GPHN: variants seen among roughly 807,000 people sequenced by gnomAD.
GPHN encodes gephyrin.
A neutral mutation model predicts 95.5 loss-of-function variants in GPHN; 17 were observed. That is an observed-to-expected ratio of 0.18 (90% CI 0.12 to 0.27). GPHN has a LOEUF of 0.27. Ranked by LOEUF, GPHN falls within the 10% of genes least tolerant of loss-of-function variation. GPHN has a pLI of 1.00. For missense variants in GPHN, 660 were observed against 978.1 expected, an observed-to-expected ratio of 0.67 and a Z score of 4.34; for synonymous variants, 320 against 322.5, an observed-to-expected ratio of 0.99 and a Z score of 0.08.
the GPHN span, among the ~76,000 whole-genome samples, chr14:67,309,354 CTCAT>C: frequency 6.6e-6 from 1 of 152,146 alleles, no homozygotes; most frequent in African/African-American, 2.4e-5. Context: ...CAGACTTTAA[CTCAT>C]TCAAATCATT....
intron 13 of GPHN, among the ~76,000 whole-genome samples, chr14:67,106,968 G>A: frequency 6.6e-6 from 1 of 152,076 alleles, no homozygotes; most frequent in East Asian, 1.9e-4. Context: ...GGGTGGTTTT[G>A]TAGAGACGCC....
chr14:67,580,004 C>G, the GPHN span: 12 of 843,664 alleles, frequency 1.4e-5, no homozygotes, highest in African/African-American at 2.0e-4. Context: ...AGGTGCTGCC[C>G]TAGTCAGCAT....
intron 5 of GPHN, among the ~76,000 whole-genome samples, chr14:66,893,802 A>C (rs1438710051): frequency 4.6e-5 from 7 of 152,210 alleles, no homozygotes; most frequent in Non-Finnish European, 7.3e-5. Context: ...AATCCAACTT[A>C]CAAGGGATGT....
intron 1 of GPHN, among the ~76,000 whole-genome samples, chr14:66,514,812 A>T (rs974527889): frequency 3.3e-5 from 5 of 152,040 alleles, no homozygotes; most frequent in African/African-American, 7.2e-5. Context: ...CTCTTCAATG[A>T]TGTCTTTCTT....
chr14:67,270,129 G>A, the GPHN span: 1 of 152,224 alleles, frequency 6.6e-6, no homozygotes, highest in South Asian at 2.1e-4. Context: ...GGTTCTATTC[G>A]TTGGTACCCT....
intron 21 of GPHN, among the ~76,000 whole-genome samples, chr14:67,170,130 T>C (rs1277590402): frequency 6.6e-6 from 1 of 151,982 alleles, no homozygotes; most frequent in African/African-American, 2.4e-5. Flanking sequence ...TGAGAATACA[T>C]AGGATAAAAA....
chr14:66,824,878 A>AAC (rs2061336793), intron 4 of GPHN, among the ~76,000 whole-genome samples: 1 of 152,186 alleles, frequency 6.6e-6, no homozygotes, highest in South Asian at 2.1e-4. Context: ...TCTGATGGTT[A>AAC]GCATGGCATC....
chr14:66,945,903 G>C (rs942426289), intron 8 of GPHN, among the ~76,000 whole-genome samples: 9 of 152,130 alleles, frequency 5.9e-5, no homozygotes. Context: ...TGTGCTTAAA[G>C]AACAAACTTT....
the GPHN span, chr14:67,646,744 T>C: frequency 5.6e-6 from 9 of 1,604,202 alleles, no homozygotes; most frequent in African/African-American, 1.1e-4. Flanking sequence ...GAACAGTAAG[T>C]TGATGCATTT....
chr14:67,142,567 A>G (rs777137981), intron 17 of GPHN, among the ~76,000 whole-genome samples: 2 of 152,154 alleles, frequency 1.3e-5, no homozygotes, highest in African/African-American at 4.8e-5. Flanking sequence ...TTAATATCCT[A>G]TATGAGTAGT....
the GPHN span, chr14:67,568,920 A>G: frequency 3.7e-6 from 2 of 535,276 alleles, no homozygotes; most frequent in Admixed American, 3.6e-5. Context: ...TATTTCATTG[A>G]TTCTCACAGC....
chr14:67,290,637 A>G, the GPHN span, among the ~76,000 whole-genome samples: 323 of 151,972 alleles, frequency 2.1e-3, 1 homozygote, highest in African/African-American at 7.1e-3. Flanking sequence ...AGCTCAAGCA[A>G]TCTGTTCACC....
the GPHN span, chr14:67,653,415 T>G: frequency 1.2e-6 from 2 of 1,610,586 alleles, no homozygotes; most frequent in Admixed American, 1.7e-5. Context: ...AAGAGAAATT[T>G]CATGACTTTA....
At chr14:67,464,892 C>T in the GPHN span, among the ~76,000 whole-genome samples, 3 of 152,208 alleles carry the variant, frequency 2.0e-5, no homozygotes, top group East Asian at 5.8e-4. Flanking sequence ...AAATCAGACA[C>T]AGAAATATTT....
At chr14:67,567,587 A>C in the GPHN span, among the ~76,000 whole-genome samples, 38,855 of 151,778 alleles carry the variant, frequency 0.26, 6,017 homozygotes, top group African/African-American at 0.44. Context: ...CCTCCTTGGC[A>C]TCCTTCCTCA....
chr14:67,312,781 AACTC>A, the GPHN span: 1 of 1,220,862 alleles, frequency 8.2e-7, no homozygotes, highest in African/African-American at 1.5e-5. Context: ...CACAAAGAAA[AACTC>A]ACTCTTTCAT....
intron 4 of GPHN, among the ~76,000 whole-genome samples, chr14:66,866,572 G>A (rs2063229559): frequency 6.6e-6 from 1 of 152,122 alleles, no homozygotes; most frequent in Non-Finnish European, 1.5e-5. Flanking sequence ...GAGAAAAGTT[G>A]TGATGCTAAC....
At chr14:66,522,872 A>G (rs2058539512) in intron 1 of GPHN, among the ~76,000 whole-genome samples, 1 of 152,038 alleles carries the variant, frequency 6.6e-6, no homozygotes, top group African/African-American at 2.4e-5. Context: ...AGCAAAGACT[A>G]GAAACTGACC....
the GPHN span, among the ~76,000 whole-genome samples, chr14:67,258,010 A>G: frequency 6.6e-6 from 1 of 152,196 alleles, no homozygotes; most frequent in East Asian, 1.9e-4. Context: ...TAATTTGGGA[A>G]AAATCTCTCT....
Sources: allele counts gnomAD v4.1 joint callset (sites outside exome capture counted in the v4.1 genomes callset), GRCh38; gene constraint gnomAD v4.1.1; transcripts MANE v1.5; gene names NCBI Gene and HGNC (gene_info 2026-07-23, HGNC 2026-07-21).